Variants in FUCA2 observed in about 807,000 individuals in gnomAD.
FUCA2 encodes plasma alpha-L-fucosidase.
A neutral mutation model predicts 52.6 loss-of-function variants in FUCA2; 41 were observed. That is an observed-to-expected ratio of 0.78 (90% CI 0.61 to 1.01). The LOEUF (loss-of-function observed/expected upper bound fraction) is 1.01. FUCA2 is among the 50% of genes least tolerant of loss of function. FUCA2 has a pLI of 0.00. For synonymous variants in FUCA2, 211 were observed against 217.3 expected (o/e 0.97, Z 0.26); for missense variants, 507 against 569.5 (o/e 0.89, Z 1.12).
chr6:143,510,624 A>G lies in FUCA2; in HGVS notation c.224+787T>C, dbSNP rs57543960. Among the ~76,000 whole-genome samples, 5,941 of 150,266 alleles carry G rather than the reference A, an allele frequency of 0.04. 390 individuals carry two copies. The highest frequency in any genetic ancestry group is 0.14 in the African/African-American group (5,542 of 40,712). On this transcript the variant is annotated intron_variant, in intron 1 of 6. Transcript: ENST00000002165. This position sits in a 1 kb window ranked among gnomAD's most constrained non-coding sequence, Gnocchi z 4.4. ...ACTGCACTCCAGCCTGGGTGACAGAATGAGACTATGTCTCAAAAAAAAAAA... is the reference window on the plus strand; with the variant it reads ...ACTGCACTCCAGCCTGGGTGACAGAGTGAGACTATGTCTCAAAAAAAAAAA...
chr6:143,498,179 A>AT (rs1474977347), intron 5 of FUCA2, among the ~76,000 whole-genome samples: 1 of 151,992 alleles, frequency 6.6e-6, no homozygotes, highest in African/African-American at 2.4e-5. Context: ...ACAAAAAAAA[A>AT]AGTGGATTTC....
At chr6:143,508,706 A>G (rs1009096800) in intron 1 of FUCA2, among the ~76,000 whole-genome samples, 11 of 152,198 alleles carry the variant, frequency 7.2e-5, no homozygotes, top group African/African-American at 2.4e-4. Context: ...CCTGGCTGCC[A>G]TCCTGTGACC....
At position 143,504,498 on chromosome 6, in the gene FUCA2, C is replaced by T; in HGVS notation, c.413-246G>A. 1 of 445,934 alleles carries T rather than the reference C, an allele frequency of 2.2e-6. No individual in the cohort carries two copies. The highest frequency in any genetic ancestry group is 4.0e-6 in the Non-Finnish European group (1 of 249,030). The allele number at this position is 445,934 out of a possible 1,614,324, so 27.6% of individuals were successfully genotyped here. On this transcript the variant is annotated intron_variant, in intron 2 of 6. Coordinates refer to ENST00000002165, the MANE Select transcript of FUCA2 (RefSeq NM_032020.5). This position sits in a 1 kb window ranked among gnomAD's most constrained non-coding sequence, Gnocchi z 4.4. ...AGGGTATATCACTGTACGGTCTGAT[C>T]TATCTCCAGTATTTTCCCTCTTAGA...
intron 1 of FUCA2, among the ~76,000 whole-genome samples, chr6:143,508,031 C>T (rs1378326669): frequency 1.3e-5 from 2 of 152,180 alleles, no homozygotes; most frequent in African/African-American, 4.8e-5. Context: ...TACACATTGT[C>T]CCTTGTAACA....
In FUCA2 at chr6:143,511,566, C is replaced by G; in HGVS notation, c.69G>C (p.Pro23=). Residue 23 remains proline (P), a synonymous_variant, in exon 1 of 7, where the codon CCG becomes CCC. Transcript: ENST00000002165. The surrounding 1 kb of genome is among the most constrained non-coding windows in gnomAD (Gnocchi z 6.3). The part of the protein sequence containing the change: ...LLLLLLLLLP[P]PPCPAHSATR... ...TGGCGCTGTGGGCAGGGCACGGCGG[C>G]GGCGGCAGCAGCAGCAACAGCAACA... 3 of 1,565,728 alleles carry G rather than the reference C, an allele frequency of 1.9e-6. No individual in the cohort carries two copies. Among genetic ancestry groups the G allele is most frequent in the Non-Finnish European group, 1.7e-6 (2 of 1,155,972 alleles).
rs1780648202 is a variant in FUCA2 at position 143,509,027 on chromosome 6, C to T, written c.225-1603G>A. Among the ~76,000 whole-genome samples, 1 of 152,144 alleles carries T rather than the reference C, an allele frequency of 6.6e-6. No individual in the cohort carries two copies. Among genetic ancestry groups the T allele is most frequent in the Non-Finnish European group, 1.5e-5 (1 of 68,026 alleles). On this transcript the variant is annotated intron_variant, in intron 1 of 6. Coordinates refer to ENST00000002165, the MANE Select transcript of FUCA2 (RefSeq NM_032020.5). This position sits in a 1 kb window ranked among gnomAD's most constrained non-coding sequence, Gnocchi z 5.4. ...ACCTCACCCTCCTGAGTATCTGGGA[C>T]TACGGGCATTACATTTTAAATTGAA... is the stretch of plus-strand genomic sequence containing the variant.
chr6:143,502,109 GTC>G lies in FUCA2; in HGVS notation c.975_976del (p.Glu325AspfsTer25). 1 of 1,597,826 alleles carries G rather than the reference GTC, an allele frequency of 6.3e-7. No individual in the cohort carries two copies. The highest frequency in any genetic ancestry group is 8.5e-7 in the Non-Finnish European group (1 of 1,174,080). On this transcript the variant is annotated frameshift_variant, in exon 5 of 7. Coordinates refer to ENST00000002165, the MANE Select transcript of FUCA2 (RefSeq NM_032020.5). LOFTEE classifies it high-confidence loss of function. This position sits in a 1 kb window ranked among gnomAD's most constrained non-coding sequence, Gnocchi z 4.1. ...CAAAAGATTTCCTCCACATGAAACT[GTC>G]TCTACAAGTTGCTAAAAAATTAAGA...
Position 143,497,223 on chromosome 6 carries a change from A to C in FUCA2, c.1263+166T>G. ...GACATCCTCCTGCCTTAGCCTCCCAAAGTGCTGGAATTACAGTGTGAGCCA... is the reference window on the plus strand; with the variant it reads ...GACATCCTCCTGCCTTAGCCTCCCACAGTGCTGGAATTACAGTGTGAGCCA... On this transcript the variant is annotated intron_variant, in intron 6 of 6. Coordinates refer to ENST00000002165, the MANE Select transcript of FUCA2 (RefSeq NM_032020.5). The surrounding 1 kb of genome is among the most constrained non-coding windows in gnomAD (Gnocchi z 5.3). 1 of 580,610 alleles carries C rather than the reference A, an allele frequency of 1.7e-6. No homozygotes were observed. Among genetic ancestry groups the C allele is most frequent in the Non-Finnish European group, 3.1e-6 (1 of 324,002 alleles). 36.0% of individuals were successfully genotyped at this position (580,610 alleles called of 1,614,324 possible). A position where few individuals can be genotyped will look rare whatever the true frequency, so the allele number is the denominator to read the frequency against.
rs996936748 is a variant in FUCA2, at chr6:143,502,859, C to A, written c.753-294G>T. ...TGTAAAACATTAGCCTGGTACCCAG[C>A]ACATATAGCACTCATAAGAGTATTA... On this transcript the variant is annotated intron_variant, in intron 3 of 6. Transcript: ENST00000002165. The surrounding 1 kb of genome is among the most constrained non-coding windows in gnomAD (Gnocchi z 4.1). 8.0e-5 allele frequency: 23 copies of A among 287,872 alleles called. No homozygotes were observed. In the East Asian group the frequency reaches 1.5e-3, roughly 19 times the overall value. 17.8% of individuals were successfully genotyped at this position (287,872 alleles called of 1,614,324 possible). A position where few individuals can be genotyped will look rare whatever the true frequency, so the allele number is the denominator to read the frequency against.
chr6:143,498,476 A>AACCATGGGAGCGCCATAAGAGC (rs1780491797), intron 5 of FUCA2, among the ~76,000 whole-genome samples: 1 of 152,170 alleles, frequency 6.6e-6, no homozygotes, highest in African/African-American at 2.4e-5. Flanking sequence ...CATGGAAGAG[A>AACCATGGGAGCGCCATAAGAGC]ACCATGGGAG....
Position 143,497,200 on chromosome 6 carries a change from C to A in FUCA2, c.1263+189G>T. On this transcript the variant is annotated intron_variant, in intron 6 of 6. Coordinates refer to ENST00000002165, the MANE Select transcript of FUCA2 (RefSeq NM_032020.5). This position sits in a 1 kb window ranked among gnomAD's most constrained non-coding sequence, Gnocchi z 5.3. ...TAGTCTCAAACTTCTGGCCTCAAGA[C>A]ATCCTCCTGCCTTAGCCTCCCAAAG... The A allele has an allele frequency of 1.9e-6, 1 of 535,240 alleles. No homozygotes were observed. Among genetic ancestry groups the A allele is most frequent in the Admixed American group, 3.2e-5 (1 of 31,440 alleles). 33.2% of individuals were successfully genotyped at this position (535,240 alleles called of 1,614,324 possible). A position where few individuals can be genotyped will look rare whatever the true frequency, so the allele number is the denominator to read the frequency against.
Position 143,495,787 on chromosome 6 carries a change from T to G in FUCA2, c.1324A>C (p.Met442Leu). The change falls in exon 7 of 7, where the codon ATG (methionine) becomes CTG (leucine). Residue 442 changes from methionine to leucine, a missense_variant. Transcript: ENST00000002165. The surrounding 1 kb of genome is among the most constrained non-coding windows in gnomAD (Gnocchi z 5.2). ...ATGGTTAGCTGTGGCAGTTCTACCA[T>G]AATGCCATTTTGCTCCAAAGAAATC... ...NWISLEQNGIMVELPQLTIHQ... is the reference protein window; with the variant it reads ...NWISLEQNGILVELPQLTIHQ... The G allele has an allele frequency of 6.2e-7, 1 of 1,613,976 alleles. No individual in the cohort carries two copies. Among genetic ancestry groups the G allele is most frequent in the Non-Finnish European group, 8.5e-7 (1 of 1,179,854 alleles).
rs139060646 is a variant in FUCA2 at position 143,507,927 on chromosome 6, C to T, written c.225-503G>A. On this transcript the variant is annotated intron_variant, in intron 1 of 6. Coordinates refer to ENST00000002165, the MANE Select transcript of FUCA2 (RefSeq NM_032020.5). The surrounding 1 kb of genome is among the most constrained non-coding windows in gnomAD (Gnocchi z 4.5). ...CAAGCGATCTTCCTGCTTCAGTCTC[C>T]CGAAGTGTTAGGATTACAGGCATGA... Among the ~76,000 whole-genome samples the T allele has an allele frequency of 3.0e-4, 46 of 152,296 alleles. No individual in the cohort carries two copies. In the East Asian group the frequency reaches 8.5e-3, roughly 28 times the overall value.
At chr6:143,505,113 T>A (rs1780584460) in intron 2 of FUCA2, 1 of 152,146 alleles carries the variant, frequency 6.6e-6, no homozygotes, top group South Asian at 2.1e-4. Flanking sequence ...AAGAGATATA[T>A]AAACTGAAAT....
At position 143,510,146 on chromosome 6, in the gene FUCA2, G is replaced by C. The variant is rs1780662529; in HGVS notation, c.224+1265C>G. ...TCACACAATGTCAATTTAATTCTTG[G>C]ACCCAGCAGAGACCCTAACAGAATG... is the stretch of plus-strand genomic sequence containing the variant. On this transcript the variant is annotated intron_variant, in intron 1 of 6. Transcript: ENST00000002165. This position sits in a 1 kb window ranked among gnomAD's most constrained non-coding sequence, Gnocchi z 4.4. 6.6e-6 allele frequency among the ~76,000 whole-genome samples: 1 copy of C among 151,938 alleles called. No individual in the cohort carries two copies. The highest frequency in any genetic ancestry group is 1.9e-4 in the East Asian group (1 of 5,188).
Position 143,503,556 on chromosome 6 carries a change from AAT to A in FUCA2, c.752+355_752+356del, listed in dbSNP as rs1368805968. The A allele has an allele frequency of 5.9e-6, 1 of 169,408 alleles. No individual in the cohort carries two copies. Among genetic ancestry groups the A allele is most frequent in the East Asian group, 1.7e-4 (1 of 5,952 alleles). The allele number at this position is 169,408 out of a possible 1,614,324, so 10.5% of individuals were successfully genotyped here. ...AAGCAGTCTGCGGGATTCAGAAGCA[AAT>A]AGTCAGAAATAGTGATGAAGAAACA... On this transcript the variant is annotated intron_variant, in intron 3 of 6. Transcript: ENST00000002165. The surrounding 1 kb of genome is among the most constrained non-coding windows in gnomAD (Gnocchi z 4.8).
At position 143,501,109 on chromosome 6, in the gene FUCA2, TCTA is replaced by T. The variant is rs1348549966; in HGVS notation, c.1154+820_1154+822del. Among the ~76,000 whole-genome samples the T allele has an allele frequency of 6.6e-6, 1 of 152,218 alleles. No homozygotes were observed. Among genetic ancestry groups the T allele is most frequent in the Non-Finnish European group, 1.5e-5 (1 of 68,034 alleles). ...AAGAAGCAAATTCCAAAACCAGATT[TCTA>T]CTATTCTCTGTCACATGAGAGATTG... On this transcript the variant is annotated intron_variant, in intron 5 of 6. Transcript: ENST00000002165. The surrounding 1 kb of genome is among the most constrained non-coding windows in gnomAD (Gnocchi z 6.1).
Position 143,507,437 on chromosome 6 carries a change from A to T in FUCA2, c.225-13T>A. ...TTGCCAATACCACCTAAGGGGAGGA[A>T]AGGAAAGAGTGCATAAACAGCACAT... On this transcript the variant is annotated splice_polypyrimidine_tract_variant and intron_variant, in intron 1 of 6. Transcript: ENST00000002165. This position sits in a 1 kb window ranked among gnomAD's most constrained non-coding sequence, Gnocchi z 4.5. 3 of 1,571,632 alleles carry T rather than the reference A, an allele frequency of 1.9e-6. No homozygotes were observed. Among genetic ancestry groups the T allele is most frequent in the Non-Finnish European group, 2.6e-6 (3 of 1,164,418 alleles).
At position 143,497,026 on chromosome 6, in the gene FUCA2, C is replaced by T. The variant is rs1169385579; in HGVS notation, c.1263+363G>A. 6.2e-6 allele frequency: 1 copy of T among 160,858 alleles called. No homozygotes were observed. Among genetic ancestry groups the T allele is most frequent in the Non-Finnish European group, 1.4e-5 (1 of 73,836 alleles). The allele number at this position is 160,858 out of a possible 1,614,324, so 10.0% of individuals were successfully genotyped here. On this transcript the variant is annotated intron_variant, in intron 6 of 6. Transcript: ENST00000002165. This position sits in a 1 kb window ranked among gnomAD's most constrained non-coding sequence, Gnocchi z 5.3. ...CAGAGACAGGCTGAAGTGGTGCAGT[C>T]ATAGCTTACTGTAGTCTTGACCTAC...
Sources: allele counts gnomAD v4.1 joint callset (sites outside exome capture counted in the v4.1 genomes callset), GRCh38; gene constraint gnomAD v4.1.1; non-coding constraint Gnocchi (gnomAD v3.1); transcripts MANE v1.5; gene names NCBI Gene and HGNC (gene_info 2026-07-23, HGNC 2026-07-21).